Variants in FBXL2 observed in about 807,000 individuals in gnomAD.
FBXL2 encodes the protein F-box and leucine rich repeat protein 2.
A neutral mutation model predicts 69.2 loss-of-function variants in FBXL2; 38 were observed. That is an observed-to-expected ratio of 0.55 (90% CI 0.42 to 0.72). The LOEUF (loss-of-function observed/expected upper bound fraction) is 0.72, where lower values mean the gene tolerates loss of function less well. FBXL2 is among the 30% of genes least tolerant of loss of function. The probability of loss-of-function intolerance (pLI) is 0.00; values close to 1 mark genes in which losing one functional copy is unlikely to be tolerated. For synonymous variants in FBXL2, 192 were observed against 201.3 expected (o/e 0.95, Z 0.39); for missense variants, 354 against 520.3 (o/e 0.68, Z 3.11).
At chr3:33,343,480 T>A (rs2040218898) in intron 2 of FBXL2, among the ~76,000 whole-genome samples, 1 of 152,024 alleles carries the variant, frequency 6.6e-6, no homozygotes, top group South Asian at 2.1e-4. Flanking sequence ...GCATTAATAA[T>A]AATGGAACAA....
At position 33,373,839 on chromosome 3, in the gene FBXL2, C is replaced by T. The variant is rs1414152718; in HGVS notation, c.583-8C>T. The T allele has an allele frequency of 1.2e-6, 2 of 1,614,020 alleles. No individual in the cohort carries two copies. The highest frequency in any genetic ancestry group is 1.7e-6 in the Non-Finnish European group (2 of 1,179,978). On this transcript the variant is annotated splice_region_variant and splice_polypyrimidine_tract_variant and intron_variant, in intron 8 of 14. Coordinates refer to ENST00000484457, the MANE Select transcript of FBXL2 (RefSeq NM_012157.5). ...TCCAGCTGTCTTTTGTTTTCTCTGT[C>T]CACTCAGTTAGAAGATGAAGCTCTG...
Position 33,377,337 on chromosome 3 carries a change from A to T in FBXL2, c.849+4A>T, listed in dbSNP as rs751408093. 6.2e-7 allele frequency: 1 copy of T among 1,613,998 alleles called. No individual in the cohort carries two copies. Among genetic ancestry groups the T allele is most frequent in the South Asian group, 1.1e-5 (1 of 91,088 alleles). On this transcript the variant is annotated splice_donor_region_variant and intron_variant, in intron 11 of 14. Coordinates refer to ENST00000484457, the MANE Select transcript of FBXL2 (RefSeq NM_012157.5). ...AGGTTTTACACTTTTAGCTCGGGTA[A>T]GGCATAGATTTAAAGAATACAACCA...
intron 1 of FBXL2, among the ~76,000 whole-genome samples, chr3:33,284,077 C>G (rs995028491): frequency 1.2e-4 from 19 of 152,152 alleles, no homozygotes; most frequent in Non-Finnish European, 2.2e-4. Flanking sequence ...TTAGTTATTT[C>G]TTGCCTTCGG....
At chr3:33,314,673 C>T (rs1412252160) in intron 2 of FBXL2, among the ~76,000 whole-genome samples, 1 of 152,118 alleles carries the variant, frequency 6.6e-6, no homozygotes, top group African/African-American at 2.4e-5. Flanking sequence ...TAATATGGTT[C>T]ACTAAGTTAT....
chr3:33,364,432 A>C, intron 4 of FBXL2, 193 bp from the exon 5 acceptor site: 1 of 603,674 alleles, frequency 1.7e-6, no homozygotes, highest in East Asian at 2.8e-5. Flanking sequence ...TAATGCTTTA[A>C]TTGGACCATT....
chr3:33,408,859 C>T, the FBXL2 span: 1 of 1,376,008 alleles, frequency 7.3e-7, no homozygotes, highest in East Asian at 2.3e-5. Context: ...GATCTAACAC[C>T]CTGTTTCATG....
chr3:33,385,896 C>G lies in FBXL2; in HGVS notation c.*288C>G, dbSNP rs1173175485. 3 of 418,928 alleles carry G rather than the reference C, an allele frequency of 7.2e-6. No individual in the cohort carries two copies. The highest frequency in any genetic ancestry group is 8.3e-5 in the Admixed American group (2 of 24,052). The allele number at this position is 418,928 out of a possible 1,614,324, so 26.0% of individuals were successfully genotyped here. A position where few individuals can be genotyped will look rare whatever the true frequency, so the allele number is the denominator to read the frequency against. Reference sequence around the variant, plus strand: ...GATCTCTTAAGAGATTGGTACCTACCTAGGTACGAAAGTTCTACCCTTGGC... The same window carrying G: ...GATCTCTTAAGAGATTGGTACCTACGTAGGTACGAAAGTTCTACCCTTGGC... On this transcript the variant is annotated 3_prime_UTR_variant, in exon 15 of 15. Transcript: ENST00000484457.
intron 2 of FBXL2, among the ~76,000 whole-genome samples, chr3:33,311,759 G>A (rs1234800468): frequency 6.6e-6 from 1 of 152,002 alleles, no homozygotes; most frequent in East Asian, 1.9e-4. Context: ...TGAGTAGCTG[G>A]GACTACAGGC....
At chr3:33,407,572 A>G (rs569469213), downstream of FBXL2, among the ~76,000 whole-genome samples, 1 of 152,034 alleles carries the variant, frequency 6.6e-6, no homozygotes, top group African/African-American at 2.4e-5. Context: ...AAGCCCAGTT[A>G]AAGAAAATGT....
chr3:33,408,305 CACAA>C (rs1398012502), downstream of FBXL2, among the ~76,000 whole-genome samples: 3 of 152,026 alleles, frequency 2.0e-5, no homozygotes, highest in Non-Finnish European at 4.4e-5. Context: ...TTTTCAGTTA[CACAA>C]AAATAATAGC....
chr3:33,310,846 C>G (rs985901713), intron 2 of FBXL2, among the ~76,000 whole-genome samples: 2 of 152,038 alleles, frequency 1.3e-5, no homozygotes, highest in Admixed American at 6.6e-5. Flanking sequence ...GCAATCTTGG[C>G]TCAATGTAAC....
intron 2 of FBXL2, among the ~76,000 whole-genome samples, chr3:33,311,229 C>A (rs2037164517): frequency 6.6e-6 from 1 of 152,118 alleles, no homozygotes. Context: ...TCTGCCAATC[C>A]TGTGTTTTGG....
chr3:33,420,423 T>G, the FBXL2 span, among the ~76,000 whole-genome samples: 5 of 151,718 alleles, frequency 3.3e-5, no homozygotes, highest in Non-Finnish European at 5.9e-5. Context: ...TCTCCCAAAT[T>G]CAAGCAATTC....
chr3:33,357,297 T>A (rs570485764), intron 2 of FBXL2, among the ~76,000 whole-genome samples: 15 of 152,280 alleles, frequency 9.9e-5, no homozygotes, highest in African/African-American at 3.1e-4. Flanking sequence ...GAAATATGAT[T>A]CTACTGTACC....
At chr3:33,297,754 G>A in intron 2 of FBXL2, 29 bp downstream of exon 2, 1 of 1,288,588 alleles carries the variant, frequency 7.8e-7, no homozygotes, top group Non-Finnish European at 1.1e-6. Context: ...TGGATGAAGA[G>A]TTTAGATCTG....
At chr3:33,291,168 G>GA (rs778804174) in intron 1 of FBXL2, among the ~76,000 whole-genome samples, 1 of 152,144 alleles carries the variant, frequency 6.6e-6, no homozygotes, top group Non-Finnish European at 1.5e-5. Context: ...TGAGCTAAGT[G>GA]ATCCTCCTGA....
chr3:33,395,944 A>G (rs2043975017), intron 12 of FBXL2, among the ~76,000 whole-genome samples: 1 of 151,846 alleles, frequency 6.6e-6, no homozygotes, highest in Admixed American at 6.5e-5. Context: ...AAACAGACCC[A>G]TAGTGTGGCT....
chr3:33,406,246 AAAAT>A (rs1402001872), downstream of FBXL2, among the ~76,000 whole-genome samples: 7 of 152,170 alleles, frequency 4.6e-5, no homozygotes, highest in Non-Finnish European at 8.8e-5. Flanking sequence ...CCATCTCAAA[AAAAT>A]AAATAAATAA....
intron 14 of FBXL2, 101 bp from the exon 15 acceptor site, chr3:33,385,400 T>G (rs1273882897): frequency 1.9e-6 from 2 of 1,051,322 alleles, no homozygotes; most frequent in African/African-American, 3.1e-5. Context: ...TCAACTAAGG[T>G]GAAGATTTTT....
Sources: allele counts gnomAD v4.1 joint callset (sites outside exome capture counted in the v4.1 genomes callset), GRCh38; gene constraint gnomAD v4.1.1; transcripts MANE v1.5; gene names NCBI Gene and HGNC (gene_info 2026-07-23, HGNC 2026-07-21).